The following NOTCH4 variants were observed in gnomAD, a reference collection of about 807,000 sequenced individuals.
The protein encoded by NOTCH4 is notch receptor 4, also known as neurogenic locus notch homolog protein 4.
Under a neutral mutation model 189.0 loss-of-function variants are expected in NOTCH4, and 138 were observed. That is an observed-to-expected ratio of 0.73 (90% CI 0.64 to 0.84). The LOEUF (loss-of-function observed/expected upper bound fraction) is 0.84, where lower values mean the gene tolerates loss of function less well. NOTCH4 is among the 40% of genes least tolerant of loss of function. The pLI, the probability that NOTCH4 is intolerant of heterozygous loss-of-function variation, is 0.00. For synonymous variants in NOTCH4, 942 were observed against 1,032.8 expected (o/e 0.91, Z 1.69); for missense variants, 2,286 against 2,605.4 (o/e 0.88, Z 2.67).
At position 32,202,010 on chromosome 6, in the gene NOTCH4, C is replaced by T. The variant is rs1300016876; in HGVS notation, c.3755+66G>A. On this transcript the variant is annotated intron_variant, in intron 21 of 29. Coordinates refer to ENST00000375023, the MANE Select transcript of NOTCH4 (RefSeq NM_004557.4). This position sits in a 1 kb window ranked among gnomAD's most constrained non-coding sequence, Gnocchi z 5.7. ...TGGCCACACTGTAACTCAGAGCCAT[C>T]TACGTCCTTCCTCCTCCTCTCACCC... is the stretch of plus-strand genomic sequence containing the variant. The T allele has an allele frequency of 7.2e-7, 1 of 1,394,146 alleles. No individual in the cohort carries two copies. Among genetic ancestry groups the T allele is most frequent in the African/African-American group, 1.4e-5 (1 of 70,006 alleles). The allele number at this position is 1,394,146 out of a possible 1,614,324, so 86.4% of individuals were successfully genotyped here. A position where few individuals can be genotyped will look rare whatever the true frequency, so the allele number is the denominator to read the frequency against.
chr6:32,222,493 G>A lies in NOTCH4; in HGVS notation c.451+18C>T, dbSNP rs896001823. On this transcript the variant is annotated intron_variant, in intron 3 of 29. Coordinates refer to ENST00000375023, the MANE Select transcript of NOTCH4 (RefSeq NM_004557.4). ...TGCTCCTGCCTGTCCCCTCCTGGCT[G>A]CCCCCAGCAGCGCTTACCTGTCCAT... 2 of 1,496,478 alleles carry A rather than the reference G, an allele frequency of 1.3e-6. No homozygotes were observed. Among genetic ancestry groups the A allele is most frequent in the Non-Finnish European group, 1.8e-6 (2 of 1,127,674 alleles). 92.7% of individuals were successfully genotyped at this position (1,496,478 alleles called of 1,614,324 possible).
chr6:32,201,288 A>C lies in NOTCH4; in HGVS notation c.3968T>G (p.Leu1323Arg). ...FALARVLSLT[L>R]RVGLWVRKDR... ...CTTCCTTACCCAGAGTCCTACCCTCAGAGTCAGGGACAGCACCCGGGCCAG... is the reference window on the plus strand; with the variant it reads ...CTTCCTTACCCAGAGTCCTACCCTCCGAGTCAGGGACAGCACCCGGGCCAG... Residue 1323 changes from leucine to arginine, a missense_variant, in exon 22 of 30, where the codon CTG (leucine) becomes CGG (arginine). By Grantham distance (102) the Leu-to-Arg change is moderately radical (BLOSUM62 -2). Around this residue, in one of 2 missense-constraint regions of NOTCH4, gnomAD observed 1,903 missense variants for 2,261.9 expected, o/e 0.84. Coordinates refer to ENST00000375023, the MANE Select transcript of NOTCH4 (RefSeq NM_004557.4). The surrounding 1 kb of genome is among the most constrained non-coding windows in gnomAD (Gnocchi z 5.5). 2 of 1,612,996 alleles carry C rather than the reference A, an allele frequency of 1.2e-6. No homozygotes were observed. Among genetic ancestry groups the C allele is most frequent in the Non-Finnish European group, 1.7e-6 (2 of 1,180,008 alleles).
chr6:32,214,659 G>A (rs1194674128), intron 12 of NOTCH4, among the ~76,000 whole-genome samples: 2 of 149,626 alleles, frequency 1.3e-5, no homozygotes, highest in Non-Finnish European at 3.0e-5. Flanking sequence ...ACGGAGTCTT[G>A]CTCTGTCACC....
rs201806837 is a variant in NOTCH4 at position 32,201,122 on chromosome 6, A to G, written c.4134T>C (p.Ser1378=). Residue 1378 remains serine, a synonymous_variant, in exon 22 of 30, where the codon AGT becomes AGC. Transcript: ENST00000375023. This position sits in a 1 kb window ranked among gnomAD's most constrained non-coding sequence, Gnocchi z 5.5. ...QPLGKETDSL[S]AGFVVVMGVD... is the part of the protein sequence containing the mutation. ...CCCTCCACCTAGCTTCTTACCCAGCACTGAGGGAGTCGGTCTCCTTGCCCA... is the reference window on the plus strand; with the variant it reads ...CCCTCCACCTAGCTTCTTACCCAGCGCTGAGGGAGTCGGTCTCCTTGCCCA... 8.3e-5 allele frequency: 134 copies of G among 1,609,436 alleles called. No individual in the cohort carries two copies. Among genetic ancestry groups the G allele is most frequent in the Non-Finnish European group, 1.7e-6 (2 of 1,178,042 alleles).
At position 32,214,153 on chromosome 6, in the gene NOTCH4, G is replaced by T; in HGVS notation, c.2124C>A (p.Pro708=). The T allele has an allele frequency of 6.2e-7, 1 of 1,613,530 alleles. No individual in the cohort carries two copies. ...APCAHGGTCY[P]QPSGYNCTCP... ...AGGTGCAGTTGTAGCCAGAGGGCTGGGGGTAGCAGGTCCCCCCATGGGCAC... is the reference window on the plus strand; with the variant it reads ...AGGTGCAGTTGTAGCCAGAGGGCTGTGGGTAGCAGGTCCCCCCATGGGCAC... The change falls in exon 13 of 30, where the codon CCC becomes CCA. Residue 708 remains proline (P), a synonymous_variant. Transcript: ENST00000375023.
At position 32,199,198 on chromosome 6, in the gene NOTCH4, AC is replaced by A; in HGVS notation, c.4316-54del. On this transcript the variant is annotated intron_variant, in intron 23 of 29. Transcript: ENST00000375023. The surrounding 1 kb of genome is among the most constrained non-coding windows in gnomAD (Gnocchi z 4.9). ...GAGGCCACTCCTGGTGAGACTGATT[AC>A]TATTGGGAGACCTTTGGACAAGTTT... is the stretch of plus-strand genomic sequence containing the variant. The A allele has an allele frequency of 7.4e-7, 1 of 1,356,060 alleles. No homozygotes were observed. Among genetic ancestry groups the A allele is most frequent in the South Asian group, 1.4e-5 (1 of 71,868 alleles). 84.0% of individuals were successfully genotyped at this position (1,356,060 alleles called of 1,614,324 possible). A position where few individuals can be genotyped will look rare whatever the true frequency, so the allele number is the denominator to read the frequency against.
chr6:32,213,879 C>T, intron 13 of NOTCH4, 39 bp from the exon 14 acceptor site: 1 of 1,603,304 alleles, frequency 6.2e-7, no homozygotes, highest in Non-Finnish European at 8.5e-7. Flanking sequence ...GGGTGTCCTC[C>T]TTCCCTCCCT....
In NOTCH4 at chr6:32,213,244, A is replaced by T; in HGVS notation, c.2329T>A (p.Phe777Ile). ...STDYCVSAPCFNGGTCVNRPG... is the reference protein window; with the variant it reads ...STDYCVSAPCINGGTCVNRPG... ...CTGTTCACACAGGTACCCCCATTGA[A>T]GCACGGGGCTGGAGAGAGGAGGCTG... Residue 777 changes from phenylalanine to isoleucine, a missense_variant, in exon 15 of 30, where the codon TTC (phenylalanine) becomes ATC (isoleucine). Coordinates refer to ENST00000375023, the MANE Select transcript of NOTCH4 (RefSeq NM_004557.4). 6.2e-7 allele frequency: 1 copy of T among 1,612,352 alleles called. No individual in the cohort carries two copies. The highest frequency in any genetic ancestry group is 8.5e-7 in the Non-Finnish European group (1 of 1,178,548).
chr6:32,202,514 G>A lies in NOTCH4; in HGVS notation c.3317C>T (p.Pro1106Leu). The change falls in exon 21 of 30, where the codon CCT becomes CTT. Residue 1106 changes from proline (P) to leucine (L), a missense_variant. Around this residue, in one of 2 missense-constraint regions of NOTCH4, gnomAD observed 1,903 missense variants for 2,261.9 expected, o/e 0.84. Coordinates refer to ENST00000375023, the MANE Select transcript of NOTCH4 (RefSeq NM_004557.4). This position sits in a 1 kb window ranked among gnomAD's most constrained non-coding sequence, Gnocchi z 5.7. ...ACAGCGTGGTGGGAAGCCTGGCTTA[G>A]GGGAGGGCAGACACAGGCCTCCGTG... is the stretch of plus-strand genomic sequence containing the variant. ...CHHGGLCLPS[P>L]KPGFPPRCAC... 1 of 1,612,300 alleles carries A rather than the reference G, an allele frequency of 6.2e-7. No individual in the cohort carries two copies. Among genetic ancestry groups the A allele is most frequent in the African/African-American group, 1.3e-5 (1 of 75,042 alleles).
At chr6:32,218,140 T>A in intron 8 of NOTCH4, 32 bp from the exon 9 acceptor site, 1 of 1,401,502 alleles carries the variant, frequency 7.1e-7, no homozygotes, top group Non-Finnish European at 9.9e-7. Context: ...GGGCTGTGGC[T>A]CAGCCAGGTC....
rs920489077 is a variant in NOTCH4, at chr6:32,203,680, C to T, written c.3231+90G>A. Reference sequence around the variant, plus strand: ...TTCCAATAATTTCCACATCAGTGCTCACCCACAGTCCCTTCTGGGATTCCA... The same window carrying T: ...TTCCAATAATTTCCACATCAGTGCTTACCCACAGTCCCTTCTGGGATTCCA... On this transcript the variant is annotated intron_variant, in intron 20 of 29. Transcript: ENST00000375023. 187 of 920,546 alleles carry T rather than the reference C, an allele frequency of 2.0e-4. 1 individual carries two copies. The African/African-American group carries it at 3.0e-3, about 15-fold the overall frequency. 57.0% of individuals were successfully genotyped at this position (920,546 alleles called of 1,614,324 possible). A position where few individuals can be genotyped will look rare whatever the true frequency, so the allele number is the denominator to read the frequency against.
chr6:32,202,540 G>C lies in NOTCH4; in HGVS notation c.3291C>G (p.His1097Gln). Residue 1097 changes from histidine (H) to glutamine (Q), a missense_variant, in exon 21 of 30, where the codon CAC (histidine) becomes CAG (glutamine). His to Gln is a conservative substitution (Grantham distance 24, BLOSUM62 0). This residue lies in a region of NOTCH4 where 1,903 missense variants were observed against 2,261.9 expected (regional missense o/e 0.84). Transcript: ENST00000375023. This position sits in a 1 kb window ranked among gnomAD's most constrained non-coding sequence, Gnocchi z 5.7. ...GGGAGGGCAGACACAGGCCTCCGTG[G>C]TGGCAGTGATGGAAGCCGCAGGAAG... ...RAPSCGFHHC[H>Q]HGGLCLPSPK... The C allele has an allele frequency of 6.2e-7, 1 of 1,608,250 alleles. No individual in the cohort carries two copies. The highest frequency in any genetic ancestry group is 8.5e-7 in the Non-Finnish European group (1 of 1,176,132).
Position 32,195,918 on chromosome 6 carries a change from C to A in NOTCH4, c.5531G>T (p.Arg1844Leu), listed in dbSNP as rs2127458735. 6.3e-7 allele frequency: 1 copy of A among 1,586,716 alleles called. No individual in the cohort carries two copies. The highest frequency in any genetic ancestry group is 1.7e-5 in the Admixed American group (1 of 58,194). Residue 1844 changes from arginine (R) to leucine (L), a missense_variant, in exon 30 of 30, where the codon CGG (arginine) becomes CTG (leucine). Around this residue, in one of 2 missense-constraint regions of NOTCH4, gnomAD observed 383 missense variants for 343.5 expected, o/e 1.11. Coordinates refer to ENST00000375023, the MANE Select transcript of NOTCH4 (RefSeq NM_004557.4). The surrounding 1 kb of genome is among the most constrained non-coding windows in gnomAD (Gnocchi z 5.4). ...CGGGGGCACGCTTACTGACACCGTCCGTGCGCGCGGGAAGGGCCCAGCCTC... is the reference window on the plus strand; with the variant it reads ...CGGGGGCACGCTTACTGACACCGTCAGTGCGCGCGGGAAGGGCCCAGCCTC... Reference protein sequence around the residue: ...GREAGPFPRARTVSVSVPPHG... With the variant: ...GREAGPFPRALTVSVSVPPHG...
chr6:32,212,830 G>C lies in NOTCH4; in HGVS notation c.2520C>G (p.Ser840Arg). 2 of 1,534,652 alleles carry C rather than the reference G, an allele frequency of 1.3e-6. No homozygotes were observed. The highest frequency in any genetic ancestry group is 1.8e-6 in the Non-Finnish European group (2 of 1,139,590). Residue 840 changes from serine to arginine, a missense_variant, in exon 16 of 30, where the codon AGC (serine) becomes AGG (arginine). Transcript: ENST00000375023. This position sits in a 1 kb window ranked among gnomAD's most constrained non-coding sequence, Gnocchi z 4.4. ...CLCPTGYTGGSCQTLMDLCAQ... is the reference protein window; with the variant it reads ...CLCPTGYTGGRCQTLMDLCAQ... ...TGACTTCAATGGCCCTCACCTGGCA[G>C]CTGCCTCCGGTGTAGCCAGTGGGGC...
rs768493416 is a variant in NOTCH4, at chr6:32,197,423, C to T, written c.4928G>A (p.Arg1643Gln). ...TGETPLHLAA[R>Q]FSRPTAARRL... ...GCGGGCAGCGGTTGGCCGGGAGAAT[C>T]GGGCAGCCAGGTGCAGGGGGGTCTC... The change falls in exon 27 of 30, where the codon CGA becomes CAA. Residue 1643 changes from arginine to glutamine, a missense_variant. Transcript: ENST00000375023. 4 of 1,546,650 alleles carry T rather than the reference C, an allele frequency of 2.6e-6. No homozygotes were observed. The African/African-American group carries it at 4.1e-5, about 16-fold the overall frequency.
rs771511849 is a variant in NOTCH4 at position 32,217,101 on chromosome 6, G to A, written c.1739-34C>T. ...CAGCAGGAAGGTCAGGGACCTGCAC[G>A]GATGTCTGCCTCCTGCTCCCGCTGT... On this transcript the variant is annotated intron_variant, in intron 10 of 29. Coordinates refer to ENST00000375023, the MANE Select transcript of NOTCH4 (RefSeq NM_004557.4). This position sits in a 1 kb window ranked among gnomAD's most constrained non-coding sequence, Gnocchi z 4.2. The A allele has an allele frequency of 1.7e-5, 27 of 1,612,878 alleles. No homozygotes were observed. Among genetic ancestry groups the A allele is most frequent in the African/African-American group, 2.7e-5 (2 of 74,924 alleles).
At chr6:32,196,637 G>C (rs1467648820) in intron 28 of NOTCH4, among the ~76,000 whole-genome samples, 1 of 152,094 alleles carries the variant, frequency 6.6e-6, no homozygotes, top group Admixed American at 6.5e-5. Context: ...TTCTGGGGTC[G>C]GTGAGACCGG....
At chr6:32,213,064 G>C in intron 15 of NOTCH4, 71 bp downstream of exon 15, 1 of 1,322,858 alleles carries the variant, frequency 7.6e-7, no homozygotes, top group East Asian at 2.3e-5. Flanking sequence ...TGGAACCCAG[G>C]GGGAGATGAG....
intron 1 of NOTCH4, 83 bp from the exon 2 acceptor site, chr6:32,223,169 G>T: frequency 2.1e-6 from 2 of 970,658 alleles, no homozygotes; most frequent in Non-Finnish European, 3.4e-6. Context: ...TGAGAGACCT[G>T]CCCACAGCAG....
Sources: allele counts gnomAD v4.1 joint callset (sites outside exome capture counted in the v4.1 genomes callset), GRCh38; gene constraint gnomAD v4.1.1; regional missense constraint gnomAD v4.1.1; non-coding constraint Gnocchi (gnomAD v3.1); transcripts MANE v1.5; gene names NCBI Gene and HGNC (gene_info 2026-07-23, HGNC 2026-07-21).